The following CACNA1G variants were observed in gnomAD, a reference collection of about 807,000 sequenced individuals.
CACNA1G encodes the protein calcium voltage-gated channel subunit alpha1 G.
A neutral mutation model predicts 219.4 loss-of-function variants in CACNA1G; 67 were observed. That is an observed-to-expected ratio of 0.31 (90% CI 0.25 to 0.37). The LOEUF (loss-of-function observed/expected upper bound fraction) is 0.37. Among genes scored for constraint, CACNA1G ranks in the 10% least tolerant of loss-of-function variants. The pLI is 1.00. For missense variants in CACNA1G, 2,380 were observed against 3,231.4 expected (o/e 0.74, Z 6.39); for synonymous variants, 1,296 against 1,345.3 (o/e 0.96, Z 0.80).
In CACNA1G at chr17:50,621,176, C is replaced by T. The variant is rs1447475929; in HGVS notation, c.5926-484C>T. Among the ~76,000 whole-genome samples the T allele has an allele frequency of 6.6e-6, 1 of 152,134 alleles. No homozygotes were observed. Among genetic ancestry groups the T allele is most frequent in the Non-Finnish European group, 1.5e-5 (1 of 68,040 alleles). On this transcript the variant is annotated intron_variant, in intron 34 of 37. Coordinates refer to ENST00000359106, the MANE Select transcript of CACNA1G (RefSeq NM_018896.5). This position sits in a 1 kb window ranked among gnomAD's most constrained non-coding sequence, Gnocchi z 4.6. ...AGCCGAGAGAATAGGCAGAAAACAG[C>T]CGTCAGATTGGTGGCATTGTCGCCG...
At chr17:50,579,314 G>A (rs2041402810) in intron 9 of CACNA1G, among the ~76,000 whole-genome samples, 1 of 152,140 alleles carries the variant, frequency 6.6e-6, no homozygotes, top group South Asian at 2.1e-4. Flanking sequence ...GGGGCTGATG[G>A]CTACAAGCAA....
intron 26 of CACNA1G, 25 bp downstream of exon 26, chr17:50,609,960 A>C (rs1223286371): frequency 6.2e-7 from 1 of 1,603,134 alleles, no homozygotes; most frequent in African/African-American, 1.3e-5. Flanking sequence ...GTGTGGGCTC[A>C]TGCGTGTGGG....
At chr17:50,587,710 G>T (rs1259216146) in intron 9 of CACNA1G, among the ~76,000 whole-genome samples, 2 of 152,244 alleles carry the variant, frequency 1.3e-5, no homozygotes, top group Non-Finnish European at 2.9e-5. Flanking sequence ...AGGCTGCCCT[G>T]CTTTTCCAGG....
At chr17:50,589,804 G>C (rs2043825338) in intron 9 of CACNA1G, among the ~76,000 whole-genome samples, 1 of 152,130 alleles carries the variant, frequency 6.6e-6, no homozygotes, top group Admixed American at 6.5e-5. Flanking sequence ...GAGGCTCCAG[G>C]TGTCTCCTCA....
rs1045182109 is a variant in CACNA1G at position 50,600,589 on chromosome 17, G to C, written c.3691-137G>C. 6 of 703,448 alleles carry C rather than the reference G, an allele frequency of 8.5e-6. No homozygotes were observed. Among genetic ancestry groups the C allele is most frequent in the Non-Finnish European group, 1.0e-5 (4 of 399,274 alleles). 43.6% of individuals were successfully genotyped at this position (703,448 alleles called of 1,614,324 possible). A position where few individuals can be genotyped will look rare whatever the true frequency, so the allele number is the denominator to read the frequency against. ...TGAGGAGGTGGCTTTAGGAATAAAG[G>C]AAGAGAGGCAGGGCAGAGCTTGGGC... On this transcript the variant is annotated intron_variant, in intron 17 of 37. Coordinates refer to ENST00000359106, the MANE Select transcript of CACNA1G (RefSeq NM_018896.5). This position sits in a 1 kb window ranked among gnomAD's most constrained non-coding sequence, Gnocchi z 4.1.
rs528747764 is a variant in CACNA1G at position 50,606,579 on chromosome 17, C to T, written c.4423-321C>T. ...CTCCATATTTGCAGAAACAGAAATG[C>T]AGAAAATGAAATTGCTCGCTCAGTT... is the stretch of plus-strand genomic sequence containing the variant. On this transcript the variant is annotated intron_variant, in intron 23 of 37. Transcript: ENST00000359106. The T allele has an allele frequency of 1.1e-5, 6 of 541,132 alleles. No individual in the cohort carries two copies. The East Asian group carries it at 1.9e-4, about 17-fold the overall frequency. The allele number at this position is 541,132 out of a possible 1,614,324, so 33.5% of individuals were successfully genotyped here.
intron 14 of CACNA1G, 118 bp downstream of exon 14, chr17:50,595,179 C>T (rs1171410137): frequency 4.0e-6 from 3 of 745,068 alleles, no homozygotes; most frequent in East Asian, 2.8e-5. Flanking sequence ...CTGTCATAGC[C>T]GTGATGGTCA....
In CACNA1G at chr17:50,596,847, C is replaced by T. The variant is rs781015006; in HGVS notation, c.3182C>T (p.Ala1061Val). Residue 1061 changes from alanine (A) to valine (V), a missense_variant, in exon 16 of 38, where the codon GCG becomes GTG. Ala to Val is a moderately conservative substitution (Grantham distance 64). This residue lies in a region of CACNA1G where 418 missense variants were observed against 434.3 expected (regional missense o/e 0.96). Coordinates refer to ENST00000359106, the MANE Select transcript of CACNA1G (RefSeq NM_018896.5). This position sits in a 1 kb window ranked among gnomAD's most constrained non-coding sequence, Gnocchi z 4.8. ...PKSTSTGLGE[A>V]LGPASRRTSS... Reference sequence around the variant, plus strand: ...AGCACCAGCACGGGCCTGGGCGAGGCGCTGGGCCCTGCGTCGCGCCGCACC... The same window carrying T: ...AGCACCAGCACGGGCCTGGGCGAGGTGCTGGGCCCTGCGTCGCGCCGCACC... 25 of 1,604,606 alleles carry T rather than the reference C, an allele frequency of 1.6e-5. No homozygotes were observed. Among genetic ancestry groups the T allele is most frequent in the Middle Eastern group, 1.7e-4 (1 of 5,802 alleles).
At chr17:50,568,829 C>G in intron 1 of CACNA1G, 41 bp from the exon 2 acceptor site, 1 of 1,544,554 alleles carries the variant, frequency 6.5e-7, no homozygotes, top group Non-Finnish European at 8.9e-7. Context: ...GGGCCGGCCT[C>G]AGCTCCAGCC....
At position 50,571,011 on chromosome 17, in the gene CACNA1G, C is replaced by T. The variant is rs1385397152; in HGVS notation, c.587-867C>T. On this transcript the variant is annotated intron_variant, in intron 4 of 37. Transcript: ENST00000359106. The surrounding 1 kb of genome is among the most constrained non-coding windows in gnomAD (Gnocchi z 4.3). Reference sequence around the variant, plus strand: ...ATCTGTCTGCTTGACGAGGGCTTGGCGGACTGGGGGCTGGTTCAGACCATT... The same window carrying T: ...ATCTGTCTGCTTGACGAGGGCTTGGTGGACTGGGGGCTGGTTCAGACCATT... Among the ~76,000 whole-genome samples, 3 of 152,004 alleles carry T rather than the reference C, an allele frequency of 2.0e-5. No individual in the cohort carries two copies. Among genetic ancestry groups the T allele is most frequent in the Non-Finnish European group, 4.4e-5 (3 of 68,008 alleles).
intron 36 of CACNA1G, 68 bp from the exon 37 acceptor site, chr17:50,624,292 C>A: frequency 2.9e-6 from 4 of 1,373,506 alleles, no homozygotes; most frequent in Non-Finnish European, 3.0e-6. Flanking sequence ...CAGGTGAGAA[C>A]CTGCTCCCCT....
chr17:50,576,966 G>A (rs76578331), intron 8 of CACNA1G, among the ~76,000 whole-genome samples: 5,483 of 152,282 alleles, frequency 0.036, 341 homozygotes, highest in African/African-American at 0.13. Flanking sequence ...ACATAGGGAC[G>A]TCGGGCTCTC....
rs1277326530 is a variant in CACNA1G at position 50,594,943 on chromosome 17, C to T, written c.2911-50C>T. On this transcript the variant is annotated intron_variant, in intron 13 of 37. Transcript: ENST00000359106. The stretch of plus-strand genomic sequence containing the variant: ...TCGACACTGCCGATATCTGAAGGCC[C>T]CGAGCGCCTGTGACCAGCAGCCCTC... 8 of 1,443,688 alleles carry T rather than the reference C, an allele frequency of 5.5e-6. No individual in the cohort carries two copies. The South Asian group carries it at 8.6e-5, about 15-fold the overall frequency. The allele number at this position is 1,443,688 out of a possible 1,614,324, so 89.4% of individuals were successfully genotyped here.
At chr17:50,602,560 C>T (rs1289301655) in intron 19 of CACNA1G, among the ~76,000 whole-genome samples, 3 of 152,202 alleles carry the variant, frequency 2.0e-5, no homozygotes. Context: ...TCCTCTCCCC[C>T]TTGGGCTAAG....
intron 1 of CACNA1G, among the ~76,000 whole-genome samples, chr17:50,564,125 A>AGT (rs67152102): frequency 0.1 from 14,310 of 138,582 alleles, 792 homozygotes; most frequent in Middle Eastern, 0.14. Context: ...CCAGGTAGGA[A>AGT]GTGTGTGTGT....
chr17:50,603,023 A>C lies in CACNA1G; in HGVS notation c.3993A>C (p.Ala1331=), dbSNP rs60644455. 2.6e-3 allele frequency: 4,112 copies of C among 1,611,892 alleles called. 79 individuals are homozygous for C. The African/African-American group carries it at 0.048, about 19-fold the overall frequency. Residue 1331 remains alanine (A), a synonymous_variant, in exon 21 of 38, where the codon GCA becomes GCC. Transcript: ENST00000359106. The surrounding 1 kb of genome is among the most constrained non-coding windows in gnomAD (Gnocchi z 6.4). The stretch of plus-strand genomic sequence containing the variant: ...GTGGCGGTGGTCCCCAGGTGGTGGC[A>C]CTGGGCTGGTGCTTCGGGGAGCAGG... ...FLAEMTVKVV[A]LGWCFGEQAY...
At position 50,599,516 on chromosome 17, in the gene CACNA1G, C is replaced by T. The variant is rs773772200; in HGVS notation, c.3347C>T (p.Ala1116Val). Residue 1116 changes from alanine (A) to valine (V), a missense_variant, in exon 17 of 38, where the codon GCA becomes GTA. Physicochemically the swap from Ala to Val is moderately conservative, Grantham distance 64 (BLOSUM62 0). Coordinates refer to ENST00000359106, the MANE Select transcript of CACNA1G (RefSeq NM_018896.5). ...TCCAGCCGGAACAGCCTCGGCCGTG[C>T]ACCCAGCCTGAAGCGGAGAAGCCCA... The part of the protein sequence containing the change: ...RRSSRNSLGR[A>V]PSLKRRSPSG... 3 of 1,610,060 alleles carry T rather than the reference C, an allele frequency of 1.9e-6. No homozygotes were observed. The highest frequency in any genetic ancestry group is 2.2e-5 in the South Asian group (2 of 90,288).
chr17:50,581,098 A>T (rs1348641882), intron 9 of CACNA1G, among the ~76,000 whole-genome samples: 2 of 144,582 alleles, frequency 1.4e-5, no homozygotes, highest in South Asian at 2.5e-4. Flanking sequence ...CAAGATGGAG[A>T]CGGGGGAGGA....
At chr17:50,608,618 G>A (rs2145988793) in intron 25 of CACNA1G, among the ~76,000 whole-genome samples, 1 of 152,092 alleles carries the variant, frequency 6.6e-6, no homozygotes, top group Non-Finnish European at 1.5e-5. Flanking sequence ...TTGGCTTGGG[G>A]AAGTTCTGGA....
Sources: gnomAD v4.1 joint callset for allele counts (sites outside exome capture counted in the v4.1 genomes callset) on GRCh38, gnomAD v4.1.1 for gene constraint, gnomAD v4.1.1 regional missense constraint, Gnocchi (gnomAD v3.1) non-coding constraint, MANE v1.5 for transcripts, NCBI Gene and HGNC (gene_info 2026-07-23, HGNC 2026-07-21) for gene names.